SDK1: variants seen among roughly 807,000 people sequenced by gnomAD.
The protein encoded by SDK1 is protein sidekick-1.
Under a neutral mutation model 245.5 loss-of-function variants are expected in SDK1, and 157 were observed. That is an observed-to-expected ratio of 0.64 (90% CI 0.56 to 0.73). The LOEUF (loss-of-function observed/expected upper bound fraction) is 0.73. SDK1 is among the 30% of genes least tolerant of loss of function. The pLI is 0.00. For synonymous variants in SDK1, 1,647 were observed against 1,278.5 expected (o/e 1.29, Z -6.15); for missense variants, 3,583 against 3,002.3 (o/e 1.19, Z -4.52).
At chr7:3,506,356 C>A (rs964483038) in intron 1 of SDK1, among the ~76,000 whole-genome samples, 1 of 152,156 alleles carries the variant, frequency 6.6e-6, no homozygotes, top group Non-Finnish European at 1.5e-5. Flanking sequence ...TCACTCTTAC[C>A]TATTCCCTGT....
At chr7:3,550,606 T>C (rs561911445) in intron 1 of SDK1, among the ~76,000 whole-genome samples, 5 of 152,218 alleles carry the variant, frequency 3.3e-5, no homozygotes, top group Admixed American at 6.5e-5. Flanking sequence ...TGCTGAACTT[T>C]TAGAGCATGT....
At chr7:4,186,140 A>C (rs1782882597) in intron 35 of SDK1, among the ~76,000 whole-genome samples, 1 of 152,258 alleles carries the variant, frequency 6.6e-6, no homozygotes, top group Non-Finnish European at 1.5e-5. Context: ...GGCCTCACAC[A>C]CCAAACAAAG....
chr7:3,802,001 A>T (rs1308142181), intron 4 of SDK1, among the ~76,000 whole-genome samples: 2 of 152,210 alleles, frequency 1.3e-5, no homozygotes, highest in Non-Finnish European at 2.9e-5. Flanking sequence ...TTTCTTCAGC[A>T]GAGCTGTTCT....
intron 1 of SDK1, among the ~76,000 whole-genome samples, chr7:3,614,746 C>T (rs976299924): frequency 4.6e-5 from 7 of 152,116 alleles, no homozygotes; most frequent in African/African-American, 1.7e-4. Context: ...TGTCAAAATA[C>T]GTGTCGTTAT....
intron 5 of SDK1, among the ~76,000 whole-genome samples, chr7:3,906,925 C>T (rs1356649638): frequency 6.6e-6 from 1 of 152,158 alleles, no homozygotes; most frequent in East Asian, 1.9e-4. Context: ...CCACCGTACC[C>T]TGCCTCTGTG....
intron 1 of SDK1, among the ~76,000 whole-genome samples, chr7:3,391,300 T>C (rs1327254432): frequency 6.6e-6 from 1 of 152,206 alleles, no homozygotes; most frequent in Non-Finnish European, 1.5e-5. Context: ...TGTCATTCTT[T>C]ACCTCCATCC....
intron 1 of SDK1, among the ~76,000 whole-genome samples, chr7:3,596,593 C>T (rs183589377): frequency 1.3e-5 from 2 of 152,328 alleles, no homozygotes; most frequent in African/African-American, 4.8e-5. Flanking sequence ...TGCAAGTTCC[C>T]TCAGGCCCTT....
At chr7:3,949,751 T>G (rs909065340) in intron 5 of SDK1, among the ~76,000 whole-genome samples, 1 of 152,178 alleles carries the variant, frequency 6.6e-6, no homozygotes, top group African/African-American at 2.4e-5. Flanking sequence ...ATGTCCTATT[T>G]TTTTCTCCCT....
At chr7:3,636,972 C>G (rs760506075) in intron 2 of SDK1, among the ~76,000 whole-genome samples, 4 of 152,032 alleles carry the variant, frequency 2.6e-5, no homozygotes, top group Non-Finnish European at 5.9e-5. Context: ...TTGACCATTT[C>G]TGTGGCTTTG....
At chr7:3,919,160 CT>C (rs1779495968) in intron 5 of SDK1, among the ~76,000 whole-genome samples, 1 of 152,230 alleles carries the variant, frequency 6.6e-6, no homozygotes, top group Non-Finnish European at 1.5e-5. Context: ...CACCTTCCCC[CT>C]GCCTGATGTT....
intron 1 of SDK1, among the ~76,000 whole-genome samples, chr7:3,478,228 G>T (rs987875850): frequency 6.6e-6 from 1 of 151,924 alleles, no homozygotes; most frequent in African/African-American, 2.4e-5. Flanking sequence ...ATTAATTTGG[G>T]AGTTATTTTA....
chr7:4,058,889 A>C (rs759803022), intron 19 of SDK1, among the ~76,000 whole-genome samples: 1 of 152,166 alleles, frequency 6.6e-6, no homozygotes, highest in Non-Finnish European at 1.5e-5. Context: ...AATATCTACC[A>C]TCATGAAAAT....
chr7:3,969,376 G>A lies in SDK1; in HGVS notation c.1666G>A (p.Ala556Thr), dbSNP rs772210580. The A allele has an allele frequency of 6.2e-7, 1 of 1,610,406 alleles. No individual in the cohort carries two copies. Among genetic ancestry groups the A allele is most frequent in the South Asian group, 1.1e-5 (1 of 89,888 alleles). ...TGCCGGCAACTACACCTGCTATGCG[G>A]CCAACACAGAGGGCTCCCTGAATGC... ...QDAGNYTCYA[A>T]NTEGSLNASA... Residue 556 changes from alanine (A) to threonine (T), a missense_variant, in exon 11 of 45, where the codon GCC (alanine) becomes ACC (threonine). Transcript: ENST00000404826.
At position 3,751,458 on chromosome 7, in the gene SDK1, GGGGAGGA is replaced by G. The variant is rs556839830; in HGVS notation, c.714-69977_714-69971del. ...ATAGAAGAACTTCGGCGGGGGGTGG[GGGGAGGA>G]GGGAGGAGGGAGGAATGGGGAGCAG... is the stretch of plus-strand genomic sequence containing the variant. On this transcript the variant is annotated intron_variant, in intron 4 of 44. Coordinates refer to ENST00000404826, the MANE Select transcript of SDK1 (RefSeq NM_152744.4). Among the ~76,000 whole-genome samples, 501 of 151,782 alleles carry G rather than the reference GGGGAGGA, an allele frequency of 3.3e-3. 2 individuals carry two copies. Among genetic ancestry groups the G allele is most frequent in the South Asian group, 0.014 (66 of 4,772 alleles).
chr7:3,431,153 A>C (rs930642644), intron 1 of SDK1, among the ~76,000 whole-genome samples: 7 of 152,116 alleles, frequency 4.6e-5, no homozygotes, highest in African/African-American at 1.7e-4. Context: ...CGCTTGCCTC[A>C]GCGTCCCAAA....
At chr7:3,903,785 A>C (rs1303869385) in intron 5 of SDK1, among the ~76,000 whole-genome samples, 1 of 152,126 alleles carries the variant, frequency 6.6e-6, no homozygotes. Flanking sequence ...GTGGGGCCTC[A>C]TGGGAGGTGT....
intron 22 of SDK1, among the ~76,000 whole-genome samples, chr7:4,080,974 A>G (rs1165959243): frequency 6.6e-6 from 1 of 152,244 alleles, no homozygotes; most frequent in Non-Finnish European, 1.5e-5. Flanking sequence ...AAGAATCACA[A>G]TGTCTCATGA....
At chr7:4,073,659 C>T (rs1024187284) in intron 20 of SDK1, among the ~76,000 whole-genome samples, 3 of 152,178 alleles carry the variant, frequency 2.0e-5, no homozygotes, top group Non-Finnish European at 4.4e-5. Context: ...AATTATTTAG[C>T]GATTGACCAG....
chr7:3,977,298 A>G (rs371116645), intron 13 of SDK1, among the ~76,000 whole-genome samples: 80 of 57,108 alleles, frequency 1.4e-3, no homozygotes, highest in East Asian at 5.6e-3. Context: ...AGAATCACTG[A>G]GGGTCCCGGG....
Sources: allele counts gnomAD v4.1 joint callset (sites outside exome capture counted in the v4.1 genomes callset), GRCh38; gene constraint gnomAD v4.1.1; transcripts MANE v1.5; gene names NCBI Gene and HGNC (gene_info 2026-07-23, HGNC 2026-07-21).